The following COL7A1 variants were observed in gnomAD, a reference collection of about 807,000 sequenced individuals.
COL7A1 encodes the protein collagen type VII alpha 1 chain, also known as collagen alpha-1(VII) chain.
A neutral mutation model predicts 456.2 loss-of-function variants in COL7A1; 296 were observed. The observed-to-expected ratio is 0.65, with a 90% CI of 0.59 to 0.71. COL7A1 has a LOEUF of 0.71. Among genes scored for constraint, COL7A1 ranks in the 30% least tolerant of loss-of-function variants. The pLI, the probability that COL7A1 is intolerant of heterozygous loss-of-function variation, is 0.00. For synonymous variants in COL7A1, 1,464 were observed against 1,525.9 expected (o/e 0.96, Z 0.95); for missense variants, 3,441 against 4,017.2 (o/e 0.86, Z 3.88).
In COL7A1 at chr3:48,586,281, T is replaced by C; in HGVS notation, c.3551-35A>G. ...GGTCCAGTGGCTGCATGATAGCCTTTTCAGGGCCACCCCTATTCCCAGACC... is the reference window on the plus strand; with the variant it reads ...GGTCCAGTGGCTGCATGATAGCCTTCTCAGGGCCACCCCTATTCCCAGACC... On this transcript the variant is annotated intron_variant, in intron 27 of 118. Coordinates refer to ENST00000681320, the MANE Select transcript of COL7A1 (RefSeq NM_000094.4). The surrounding 1 kb of genome is among the most constrained non-coding windows in gnomAD (Gnocchi z 5.1). 1 of 1,613,698 alleles carries C rather than the reference T, an allele frequency of 6.2e-7. No individual in the cohort carries two copies. The highest frequency in any genetic ancestry group is 8.5e-7 in the Non-Finnish European group (1 of 1,180,020).
In COL7A1 at chr3:48,587,189, C is replaced by A. The variant is rs1284183246; in HGVS notation, c.3139+1G>T. The A allele has an allele frequency of 1.2e-6, 2 of 1,613,644 alleles. No individual in the cohort carries two copies. The highest frequency in any genetic ancestry group is 1.7e-6 in the Non-Finnish European group (2 of 1,179,922). On this transcript the variant is annotated splice_donor_variant, in intron 24 of 118. Transcript: ENST00000681320. LOFTEE classifies it high-confidence loss of function. The surrounding 1 kb of genome is among the most constrained non-coding windows in gnomAD (Gnocchi z 6.1). The stretch of plus-strand genomic sequence containing the variant: ...TGCCCTTCCCACTACGCCCACTATA[C>A]CTGGCGTCTGTGTGACAGATGCCTC...
rs371140663 is a variant in COL7A1 at position 48,578,853 on chromosome 3, A to G, written c.5424+66T>C. The G allele has an allele frequency of 1.7e-5, 26 of 1,526,914 alleles. 1 individual carries two copies. The East Asian group carries it at 2.5e-4, about 15-fold the overall frequency. The allele number at this position is 1,526,914 out of a possible 1,614,324, so 94.6% of individuals were successfully genotyped here. A position where few individuals can be genotyped will look rare whatever the true frequency, so the allele number is the denominator to read the frequency against. On this transcript the variant is annotated intron_variant, in intron 63 of 118. Transcript: ENST00000681320. The surrounding 1 kb of genome is among the most constrained non-coding windows in gnomAD (Gnocchi z 4.7). ...ACCAACTCTCTCGGATGCTGTGACT[A>G]TGATGATCTGGTTGGAGCTTACGCA...
chr3:48,564,119 TC>T lies in COL7A1; in HGVS notation c.*286del. The T allele has an allele frequency of 1.9e-6, 1 of 531,856 alleles. No individual in the cohort carries two copies. The highest frequency in any genetic ancestry group is 3.4e-6 in the Non-Finnish European group (1 of 291,368). 32.9% of individuals were successfully genotyped at this position (531,856 alleles called of 1,614,324 possible). A position where few individuals can be genotyped will look rare whatever the true frequency, so the allele number is the denominator to read the frequency against. On this transcript the variant is annotated 3_prime_UTR_variant, in exon 119 of 119. Transcript: ENST00000681320. The surrounding 1 kb of genome is among the most constrained non-coding windows in gnomAD (Gnocchi z 6.0). Reference sequence around the variant, plus strand: ...AATGCCCCCCAGAATCAGCACCATGTCATCACAGGCTTGGGTCAAGGGGCGG... The same window carrying T: ...AATGCCCCCCAGAATCAGCACCATGTATCACAGGCTTGGGTCAAGGGGCGG...
At position 48,568,648 on chromosome 3, in the gene COL7A1, G is replaced by A. The variant is rs2043727385; in HGVS notation, c.7759-114C>T. 2.0e-5 allele frequency: 29 copies of A among 1,483,226 alleles called. No homozygotes were observed. In the South Asian group the frequency reaches 3.5e-4, roughly 18 times the overall value. 91.9% of individuals were successfully genotyped at this position (1,483,226 alleles called of 1,614,324 possible). On this transcript the variant is annotated intron_variant, in intron 104 of 118. Coordinates refer to ENST00000681320, the MANE Select transcript of COL7A1 (RefSeq NM_000094.4). The surrounding 1 kb of genome is among the most constrained non-coding windows in gnomAD (Gnocchi z 5.2). Reference sequence around the variant, plus strand: ...GCGGCCAGGGCCCAGGCCACACACAGATCCCGGGTGAACACACATGGGGCC... The same window carrying A: ...GCGGCCAGGGCCCAGGCCACACACAAATCCCGGGTGAACACACATGGGGCC...
Position 48,574,819 on chromosome 3 carries a change from G to A in COL7A1, c.6326C>T (p.Pro2109Leu), listed in dbSNP as rs749652959. The change falls in exon 77 of 119, where the codon CCC becomes CTC. Residue 2109 changes from proline (P) to leucine (L), a missense_variant. Coordinates refer to ENST00000681320, the MANE Select transcript of COL7A1 (RefSeq NM_000094.4). The surrounding 1 kb of genome is among the most constrained non-coding windows in gnomAD (Gnocchi z 5.0). ...PGPGLSGEQG[P>L]PGLKGAKGEP... ...GACCTTAGCACCCTTGAGTCCAGGG[G>A]GTCCCTGTTCTCCAGAGAGTCCAGG... is the stretch of plus-strand genomic sequence containing the variant. The A allele has an allele frequency of 5.6e-6, 9 of 1,613,976 alleles. No individual in the cohort carries two copies. Among genetic ancestry groups the A allele is most frequent in the Non-Finnish European group, 7.6e-6 (9 of 1,180,016 alleles).
In COL7A1 at chr3:48,581,814, C is replaced by T; in HGVS notation, c.4669-55G>A. The T allele has an allele frequency of 5.0e-6, 8 of 1,613,574 alleles. No individual in the cohort carries two copies. The South Asian group carries it at 8.8e-5, about 18-fold the overall frequency. The stretch of plus-strand genomic sequence containing the variant: ...TCCCAGGCTCCAGTTAACCCCCTGA[C>T]CCAGCAAGTCCTGTGACCCCCCAAG... On this transcript the variant is annotated intron_variant, in intron 48 of 118. Transcript: ENST00000681320. This position sits in a 1 kb window ranked among gnomAD's most constrained non-coding sequence, Gnocchi z 5.8.
chr3:48,579,965 C>T lies in COL7A1; in HGVS notation c.5124+66G>A, dbSNP rs541994154. ...GGAGTTAGTGGAAGGAATGAGGGGA[C>T]ATGATGTGGAGCCAAAGGGGCAAGT... On this transcript the variant is annotated intron_variant, in intron 57 of 118. Coordinates refer to ENST00000681320, the MANE Select transcript of COL7A1 (RefSeq NM_000094.4). The surrounding 1 kb of genome is among the most constrained non-coding windows in gnomAD (Gnocchi z 4.4). 6.2e-6 allele frequency: 10 copies of T among 1,610,240 alleles called. No individual in the cohort carries two copies. The highest frequency in any genetic ancestry group is 8.5e-6 in the Non-Finnish European group (10 of 1,176,642).
chr3:48,581,699 C>T lies in COL7A1; in HGVS notation c.4722+7G>A. ...CAACTGCCCCCTAAACACTTCGCTT[C>T]ACTTACCCGTTCCCCTTGGACTCCG... On this transcript the variant is annotated splice_region_variant and intron_variant, in intron 49 of 118. Transcript: ENST00000681320. This position sits in a 1 kb window ranked among gnomAD's most constrained non-coding sequence, Gnocchi z 5.8. The T allele has an allele frequency of 6.2e-7, 1 of 1,614,118 alleles. No homozygotes were observed. The highest frequency in any genetic ancestry group is 1.1e-5 in the South Asian group (1 of 91,090).
rs1200093931 is a variant in COL7A1 at position 48,581,992 on chromosome 3, T to A, written c.4636-49A>T. The A allele has an allele frequency of 1.2e-6, 2 of 1,613,156 alleles. No individual in the cohort carries two copies. The highest frequency in any genetic ancestry group is 2.2e-5 in the East Asian group (1 of 44,878). Reference sequence around the variant, plus strand: ...AGCTTGGCCCTGCCTTGGGGTTGTATGATCAAAGTCTTCATTGGAATGGAG... The same window carrying A: ...AGCTTGGCCCTGCCTTGGGGTTGTAAGATCAAAGTCTTCATTGGAATGGAG... On this transcript the variant is annotated intron_variant, in intron 47 of 118. Transcript: ENST00000681320. This position sits in a 1 kb window ranked among gnomAD's most constrained non-coding sequence, Gnocchi z 5.8.
Position 48,573,976 on chromosome 3 carries a change from A to C in COL7A1, c.6502-86T>G. 1 of 1,525,312 alleles carries C rather than the reference A, an allele frequency of 6.6e-7. No individual in the cohort carries two copies. The highest frequency in any genetic ancestry group is 9.0e-7 in the Non-Finnish European group (1 of 1,114,468). The allele number at this position is 1,525,312 out of a possible 1,614,324, so 94.5% of individuals were successfully genotyped here. ...TCTGGGGGCTTTTTCCTTGGGGGTCAATTTCCATACCTCACCCTTTCCAGT... is the reference window on the plus strand; with the variant it reads ...TCTGGGGGCTTTTTCCTTGGGGGTCCATTTCCATACCTCACCCTTTCCAGT... On this transcript the variant is annotated intron_variant, in intron 80 of 118. Coordinates refer to ENST00000681320, the MANE Select transcript of COL7A1 (RefSeq NM_000094.4). The surrounding 1 kb of genome is among the most constrained non-coding windows in gnomAD (Gnocchi z 5.5).
chr3:48,582,794 G>C (rs1018481931), intron 44 of COL7A1, 141 bp from the exon 45 acceptor site: 2 of 1,141,240 alleles, frequency 1.8e-6, no homozygotes, highest in Non-Finnish European at 2.6e-6. Context: ...CTTGGCAGGA[G>C]AACAGAGACC....
Position 48,586,344 on chromosome 3 carries a change from C to T in COL7A1, c.3538G>A (p.Ala1180Thr), listed in dbSNP as rs1441226394. The change falls in exon 27 of 119, where the codon GCC becomes ACC. Residue 1180 changes from alanine (A) to threonine (T), a missense_variant. Around this residue, in one of 3 missense-constraint regions of COL7A1, gnomAD observed 2,084 missense variants for 2,501.3 expected, o/e 0.83. Transcript: ENST00000681320. The surrounding 1 kb of genome is among the most constrained non-coding windows in gnomAD (Gnocchi z 5.1). ...RGDIFSPIREAQASGLNVVML... is the reference protein window; with the variant it reads ...RGDIFSPIRETQASGLNVVML... ...GCCTACTCCTTACCAGAAGCCTGGG[C>T]CTCACGGATGGGGCTGAATATGTCA... 2 of 1,613,764 alleles carry T rather than the reference C, an allele frequency of 1.2e-6. No homozygotes were observed. The highest frequency in any genetic ancestry group is 2.2e-5 in the East Asian group (1 of 44,902).
At position 48,570,116 on chromosome 3, in the gene COL7A1, T is replaced by A; in HGVS notation, c.7485+18A>T. The A allele has an allele frequency of 6.2e-7, 1 of 1,614,020 alleles. No individual in the cohort carries two copies. Among genetic ancestry groups the A allele is most frequent in the South Asian group, 1.1e-5 (1 of 91,082 alleles). On this transcript the variant is annotated intron_variant, in intron 99 of 118. Transcript: ENST00000681320. This position sits in a 1 kb window ranked among gnomAD's most constrained non-coding sequence, Gnocchi z 5.5. ...GGACTGAAGTCACAGCACTGTCACTTTCCCCAGCGGGACCCACCGTGAGTC... is the reference window on the plus strand; with the variant it reads ...GGACTGAAGTCACAGCACTGTCACTATCCCCAGCGGGACCCACCGTGAGTC...
rs1453568434 is a variant in COL7A1, at chr3:48,594,494, GA to G, written c.139del (p.Ser47HisfsTer57). ...ADIVFLLDGSSSIGRSNFREV... is the reference protein window; with the variant it reads ...ADIVFLLDGSXSIGRSNFREV... Reference sequence around the variant, plus strand: ...GCGGAAATTGCTGCGGCCAATGGATGAGGAGCCATCCAGTAAGAACACAATG... The same window carrying G: ...GCGGAAATTGCTGCGGCCAATGGATGGGAGCCATCCAGTAAGAACACAATG... On this transcript the variant is annotated frameshift_variant, in exon 3 of 119. Transcript: ENST00000681320. LOFTEE classifies it high-confidence loss of function. The surrounding 1 kb of genome is among the most constrained non-coding windows in gnomAD (Gnocchi z 5.5). 3.1e-6 allele frequency: 5 copies of G among 1,612,116 alleles called. No individual in the cohort carries two copies. In the Admixed American group the frequency reaches 8.3e-5, roughly 27 times the overall value.
rs886058640 is a variant in COL7A1, at chr3:48,583,569, G to A, written c.4388C>T (p.Ser1463Phe). Reference protein sequence around the residue: ...GAPGLPGQPGSPGEQGPRGPP... With the variant: ...GAPGLPGQPGFPGEQGPRGPP... Reference sequence around the variant, plus strand: ...CCCTCCACTCACCTGCTCACCCGGAGACCCAGGTTGTCCTGGGAGGCCTGG... The same window carrying A: ...CCCTCCACTCACCTGCTCACCCGGAAACCCAGGTTGTCCTGGGAGGCCTGG... The change falls in exon 41 of 119, where the codon TCT (serine) becomes TTT (phenylalanine). Residue 1463 changes from serine (S) to phenylalanine (F), a missense_variant. By Grantham distance (155) the Ser-to-Phe change is radical. Around this residue, in one of 3 missense-constraint regions of COL7A1, gnomAD observed 2,084 missense variants for 2,501.3 expected, o/e 0.83. Transcript: ENST00000681320. The surrounding 1 kb of genome is among the most constrained non-coding windows in gnomAD (Gnocchi z 5.1). 1.9e-6 allele frequency: 3 copies of A among 1,614,034 alleles called. No homozygotes were observed. Among genetic ancestry groups the A allele is most frequent in the Non-Finnish European group, 2.5e-6 (3 of 1,180,010 alleles).
chr3:48,582,928 G>C (rs2044878504), intron 44 of COL7A1, 85 bp downstream of exon 44: 4 of 1,588,686 alleles, frequency 2.5e-6, no homozygotes, highest in African/African-American at 2.7e-5. Flanking sequence ...AGGAGCAGGG[G>C]TAGCAGGGGT....
rs565211476 is a variant in COL7A1, at chr3:48,590,321, T to C, written c.1942A>G (p.Thr648Ala). ...TGCAGCCCTGTGATGTCTGTGGCAG[T>C]AGAGTCTGGGGGCAGTGTCTGGCTG... ...ESSQTLPPDS[T>A]ATDITGLQPG... The change falls in exon 16 of 119, where the codon ACT (threonine) becomes GCT (alanine). Residue 648 changes from threonine to alanine, a missense_variant. Thr to Ala is a moderately conservative substitution (Grantham distance 58). Coordinates refer to ENST00000681320, the MANE Select transcript of COL7A1 (RefSeq NM_000094.4). This position sits in a 1 kb window ranked among gnomAD's most constrained non-coding sequence, Gnocchi z 4.6. The C allele has an allele frequency of 1.2e-6, 2 of 1,614,028 alleles. No individual in the cohort carries two copies. Among genetic ancestry groups the C allele is most frequent in the Admixed American group, 1.7e-5 (1 of 60,012 alleles).
rs776372390 is a variant in COL7A1 at position 48,572,148 on chromosome 3, C to T, written c.7002G>A (p.Leu2334=). 11 of 1,614,062 alleles carry T rather than the reference C, an allele frequency of 6.8e-6. No homozygotes were observed. The highest frequency in any genetic ancestry group is 9.3e-6 in the Non-Finnish European group (11 of 1,180,012). ...GEPGAKGDRG[L]PGPRGEKGEA... The stretch of plus-strand genomic sequence containing the variant: ...TCACCTTCTCGCCTCGCGGCCCTGG[C>T]AGTCCTCGGTCACCTTTGGCTCCCT... Residue 2334 remains leucine, a synonymous_variant, in exon 91 of 119, where the codon CTG becomes CTA. Transcript: ENST00000681320. The surrounding 1 kb of genome is among the most constrained non-coding windows in gnomAD (Gnocchi z 4.6).
rs749361700 is a variant in COL7A1 at position 48,595,125 on chromosome 3, G to A, written c.35C>T (p.Ala12Val). Reference sequence around the variant, plus strand: ...TCGGGGCGCCTCTGCCAGGATCCCGGCGCAGAGCGCGGCCACCAGAAGCCG... The same window carrying A: ...TCGGGGCGCCTCTGCCAGGATCCCGACGCAGAGCGCGGCCACCAGAAGCCG... ...TLRLLVAALC[A>V]GILAEAPRVR... The change falls in exon 2 of 119, where the codon GCC (alanine) becomes GTC (valine). Residue 12 changes from alanine to valine, a missense_variant. This residue lies in a region of COL7A1 where 913 missense variants were observed against 1,088.2 expected (regional missense o/e 0.84). Coordinates refer to ENST00000681320, the MANE Select transcript of COL7A1 (RefSeq NM_000094.4). 2.6e-6 allele frequency: 4 copies of A among 1,554,370 alleles called. No individual in the cohort carries two copies. In the African/African-American group the frequency reaches 4.1e-5, roughly 16 times the overall value.
Sources: gnomAD v4.1 joint callset for allele counts on GRCh38, gnomAD v4.1.1 for gene constraint, gnomAD v4.1.1 regional missense constraint, Gnocchi (gnomAD v3.1) non-coding constraint, MANE v1.5 for transcripts, NCBI Gene and HGNC (gene_info 2026-07-23, HGNC 2026-07-21) for gene names.